AVPR1A: variants seen among roughly 807,000 people sequenced by gnomAD.
AVPR1A encodes the protein vasopressin V1a receptor.
AVPR1A carries 31 observed loss-of-function variants against 31.5 expected under a neutral mutation model. That is an observed-to-expected ratio of 0.99 (90% confidence interval 0.74 to 1.33). The LOEUF (loss-of-function observed/expected upper bound fraction) is 1.33. AVPR1A is among the 40% of genes most tolerant of loss of function. The probability of loss-of-function intolerance (pLI) is 0.00; values close to 1 mark genes in which losing one functional copy is unlikely to be tolerated. For missense variants in AVPR1A, 570 were observed against 575.2 expected (o/e 0.99, Z 0.09); for synonymous variants, 243 against 233.2 (o/e 1.04, Z -0.38).
rs1173894816 is a variant in AVPR1A, at chr12:63,150,278, A to T, written c.559T>A (p.Phe187Ile). The T allele has an allele frequency of 6.2e-7, 1 of 1,613,952 alleles. No homozygotes were observed. ...TTCACCTCGATCATGGAGAAGACGA[A>T]GTACTGCGGCGTGCTCAGCACGAAG... Reference protein sequence around the residue: ...LSFVLSTPQYFVFSMIEVNNV... With the variant: ...LSFVLSTPQYIVFSMIEVNNV... Residue 187 changes from phenylalanine (F) to isoleucine (I), a missense_variant, in exon 1 of 2, where the codon TTC (phenylalanine) becomes ATC (isoleucine). Coordinates refer to ENST00000299178, the MANE Select transcript of AVPR1A (RefSeq NM_000706.5). The surrounding 1 kb of genome is among the most constrained non-coding windows in gnomAD (Gnocchi z 4.9).
Position 63,142,789 on chromosome 12 carries a change from G to A in AVPR1A, c.*4570C>T, listed in dbSNP as rs1188666814. 1 of 151,978 alleles carries A rather than the reference G, an allele frequency of 6.6e-6. No homozygotes were observed. The highest frequency in any genetic ancestry group is 6.6e-5 in the Admixed American group (1 of 15,256). The allele number at this position is 151,978 out of a possible 1,614,324, so 9.4% of individuals were successfully genotyped here. A position where few individuals can be genotyped will look rare whatever the true frequency, so the allele number is the denominator to read the frequency against. The stretch of plus-strand genomic sequence containing the variant: ...AACTTATTTTTGTTTATAGAAACAA[G>A]ACAACACACAGTAAAATTGAGGAAA... On this transcript the variant is annotated 3_prime_UTR_variant, in exon 2 of 2. Coordinates refer to ENST00000299178, the MANE Select transcript of AVPR1A (RefSeq NM_000706.5).
chr12:63,150,717 G>A lies in AVPR1A; in HGVS notation c.120C>T (p.Gly40=), dbSNP rs1460730957. The change falls in exon 1 of 2, where the codon GGC becomes GGT. Residue 40 remains glycine (G), a synonymous_variant. Transcript: ENST00000299178. The surrounding 1 kb of genome is among the most constrained non-coding windows in gnomAD (Gnocchi z 4.9). ...REAEALGEGN[G]PPRDVRNEEL... ...CCTCGTTGCGCACGTCCCTCGGTGG[G>A]CCGTTGCCCTCCCCGAGGGCTTCGG... 1 of 1,604,414 alleles carries A rather than the reference G, an allele frequency of 6.2e-7. No individual in the cohort carries two copies. The highest frequency in any genetic ancestry group is 8.5e-7 in the Non-Finnish European group (1 of 1,179,790).
chr12:63,149,769 TTTTC>T (rs760536543), intron 1 of AVPR1A, 94 bp downstream of exon 1: 57,799 of 1,200,286 alleles, frequency 0.048, 419 homozygotes, highest in Middle Eastern at 0.074. Flanking sequence ...ATTCTCATTT[TTTTC>T]TCTCTCTCTC....
rs1397274229 is a variant in AVPR1A, at chr12:63,145,995, T to C, written c.*1364A>G. On this transcript the variant is annotated 3_prime_UTR_variant, in exon 2 of 2. Transcript: ENST00000299178. ...AGGATTTTATATCCCAGCCATGAAA[T>C]GAACCAATTCTAGTTAATGAAAAAT... The C allele has an allele frequency of 6.6e-6, 1 of 152,262 alleles. No individual in the cohort carries two copies. Among genetic ancestry groups the C allele is most frequent in the African/African-American group, 2.4e-5 (1 of 41,444 alleles). 9.4% of individuals were successfully genotyped at this position (152,262 alleles called of 1,614,324 possible).
rs1353679577 is a variant in AVPR1A at position 63,145,168 on chromosome 12, T to C, written c.*2191A>G. On this transcript the variant is annotated 3_prime_UTR_variant, in exon 2 of 2. Coordinates refer to ENST00000299178, the MANE Select transcript of AVPR1A (RefSeq NM_000706.5). ...TTTAGTTATGGCTTATATTGGACAG[T>C]ACCCTTTAAGAGACATATTTGTTAT... 3 of 293,748 alleles carry C rather than the reference T, an allele frequency of 1.0e-5. No individual in the cohort carries two copies. The highest frequency in any genetic ancestry group is 2.2e-5 in the African/African-American group (1 of 45,762). The allele number at this position is 293,748 out of a possible 1,614,324, so 18.2% of individuals were successfully genotyped here. A position where few individuals can be genotyped will look rare whatever the true frequency, so the allele number is the denominator to read the frequency against.
In AVPR1A at chr12:63,149,982, G is replaced by A; in HGVS notation, c.855C>T (p.Ala285=). The A allele has an allele frequency of 6.2e-7, 1 of 1,614,100 alleles. No individual in the cohort carries two copies. The highest frequency in any genetic ancestry group is 8.5e-7 in the Non-Finnish European group (1 of 1,180,038). ...CVSSVKSISR[A]KIRTVKMTFV... ...AAGTCATCTTCACCGTGCGGATCTTGGCCCGGGAAATGGACTTCACGCTGC... is the reference window on the plus strand; with the variant it reads ...AAGTCATCTTCACCGTGCGGATCTTAGCCCGGGAAATGGACTTCACGCTGC... Residue 285 remains alanine, a synonymous_variant, in exon 1 of 2, where the codon GCC becomes GCT. Transcript: ENST00000299178.
rs779030335 is a variant in AVPR1A, at chr12:63,150,704, C to G, written c.133G>C (p.Val45Leu). ...LGEGNGPPRD[V>L]RNEELAKLEI... The stretch of plus-strand genomic sequence containing the variant: ...AGTTTGGCCAGCTCCTCGTTGCGCA[C>G]GTCCCTCGGTGGGCCGTTGCCCTCC... The change falls in exon 1 of 2, where the codon GTG becomes CTG. Residue 45 changes from valine (V) to leucine (L), a missense_variant. Coordinates refer to ENST00000299178, the MANE Select transcript of AVPR1A (RefSeq NM_000706.5). The surrounding 1 kb of genome is among the most constrained non-coding windows in gnomAD (Gnocchi z 4.9). 1 of 1,606,440 alleles carries G rather than the reference C, an allele frequency of 6.2e-7. No homozygotes were observed. The highest frequency in any genetic ancestry group is 8.5e-7 in the Non-Finnish European group (1 of 1,179,848).
chr12:63,149,798 TCACACACACACACA>T, intron 1 of AVPR1A, 55 bp downstream of exon 1: 1 of 935,926 alleles, frequency 1.1e-6, no homozygotes. Flanking sequence ...TCTCTCTCTC[TCACACACACACACA>T]CACACACACA....
rs190314128 is a variant in AVPR1A at position 63,149,378 on chromosome 12, C to T, written c.970+489G>A. Among the ~76,000 whole-genome samples, 4 of 152,304 alleles carry T rather than the reference C, an allele frequency of 2.6e-5. No homozygotes were observed. The East Asian group carries it at 7.7e-4, about 29-fold the overall frequency. ...TCCTTGCCCCTGAGGCATTTCTACA[C>T]ATTTTTAAAATTAATTGTAATACTT... On this transcript the variant is annotated intron_variant, in intron 1 of 1. Transcript: ENST00000299178.
Position 63,150,037 on chromosome 12 carries a change from T to C in AVPR1A, c.800A>G (p.Gln267Arg), listed in dbSNP as rs956647874. 6.2e-7 allele frequency: 1 copy of C among 1,613,964 alleles called. No homozygotes were observed. Among genetic ancestry groups the C allele is most frequent in the Non-Finnish European group, 8.5e-7 (1 of 1,180,028 alleles). ...ACAGGGTGCGAGCAGGAACCCCTTT[T>C]GGAAGGCCACACCCGCTTGCTCTGC... ...KGAEQAGVAF[Q>R]KGFLLAPCVS... Residue 267 changes from glutamine to arginine, a missense_variant, in exon 1 of 2, where the codon CAA becomes CGA. Gln to Arg is a conservative substitution (Grantham distance 43, BLOSUM62 1). Coordinates refer to ENST00000299178, the MANE Select transcript of AVPR1A (RefSeq NM_000706.5). This position sits in a 1 kb window ranked among gnomAD's most constrained non-coding sequence, Gnocchi z 4.9.
In AVPR1A at chr12:63,143,685, G is replaced by C. The variant is rs372201548; in HGVS notation, c.*3674C>G. The C allele has an allele frequency of 2.0e-5, 3 of 152,160 alleles. No homozygotes were observed. The highest frequency in any genetic ancestry group is 3.9e-4 in the East Asian group (2 of 5,190). The allele number at this position is 152,160 out of a possible 1,614,324, so 9.4% of individuals were successfully genotyped here. On this transcript the variant is annotated 3_prime_UTR_variant, in exon 2 of 2. Coordinates refer to ENST00000299178, the MANE Select transcript of AVPR1A (RefSeq NM_000706.5). ...TGAGTAGTACCAAAAGGGCTGGATG[G>C]AGGGGGTGGGCAGGGATACAGTGGC...
chr12:63,146,793 C>G lies in AVPR1A; in HGVS notation c.*566G>C, dbSNP rs1373779924. ...GTGATTGATAGCTTCTAATAGAACT[C>G]TAAACTGGCCACAATGAGCAGGAGC... On this transcript the variant is annotated 3_prime_UTR_variant, in exon 2 of 2. Coordinates refer to ENST00000299178, the MANE Select transcript of AVPR1A (RefSeq NM_000706.5). 6.6e-6 allele frequency: 1 copy of G among 152,594 alleles called. No homozygotes were observed. The highest frequency in any genetic ancestry group is 2.4e-5 in the African/African-American group (1 of 41,444). The allele number at this position is 152,594 out of a possible 1,614,324, so 9.5% of individuals were successfully genotyped here. A position where few individuals can be genotyped will look rare whatever the true frequency, so the allele number is the denominator to read the frequency against.
intron 1 of AVPR1A, among the ~76,000 whole-genome samples, chr12:63,148,807 T>C (rs1467753767): frequency 2.0e-5 from 3 of 152,166 alleles, no homozygotes; most frequent in East Asian, 1.9e-4. Context: ...GCATATTACA[T>C]ACCTCCCCTA....
rs768185467 is a variant in AVPR1A at position 63,150,822 on chromosome 12, G to C, written c.15C>G (p.Ala5=). The C allele has an allele frequency of 8.8e-6, 14 of 1,588,152 alleles. No individual in the cohort carries two copies. The Admixed American group carries it at 2.2e-4, about 25-fold the overall frequency. MRLS[A]GPDAGPSGNS... ...TGCCCGAGGGCCCCGCGTCGGGACC[G>C]GCGGAGAGACGCATGCTGTCCATGC... The change falls in exon 1 of 2, where the codon GCC becomes GCG. Residue 5 remains alanine, a synonymous_variant. Transcript: ENST00000299178. This position sits in a 1 kb window ranked among gnomAD's most constrained non-coding sequence, Gnocchi z 4.9.
rs191519957 is a variant in AVPR1A, at chr12:63,148,649, G to T, written c.971-1004C>A. 1.3e-3 allele frequency among the ~76,000 whole-genome samples: 203 copies of T among 152,156 alleles called. 1 individual carries two copies. Among genetic ancestry groups the T allele is most frequent in the South Asian group, 9.3e-3 (45 of 4,820 alleles). ...CTTTATTTGATGGACAATATGAAGA[G>T]GCTTCTAAGATCAAGCAAGATAAGA... On this transcript the variant is annotated intron_variant, in intron 1 of 1. Transcript: ENST00000299178.
Position 63,149,815 on chromosome 12 carries a change from CA to C in AVPR1A, c.970+51del, listed in dbSNP as rs1251637164. ...TCTCTCTCTCACACACACACACACA[CA>C]CACACACACACTCCTATCCCTGCAC... On this transcript the variant is annotated intron_variant, in intron 1 of 1. Transcript: ENST00000299178. 8 of 1,579,328 alleles carry C rather than the reference CA, an allele frequency of 5.1e-6. No individual in the cohort carries two copies. In the East Asian group the frequency reaches 1.8e-4, roughly 35 times the overall value.
At position 63,150,813 on chromosome 12, in the gene AVPR1A, G is replaced by T. The variant is rs1312839078; in HGVS notation, c.24C>A (p.Asp8Glu). 1 of 1,590,506 alleles carries T rather than the reference G, an allele frequency of 6.3e-7. No homozygotes were observed. Among genetic ancestry groups the T allele is most frequent in the East Asian group, 2.2e-5 (1 of 44,672 alleles). MRLSAGP[D>E]AGPSGNSSPW... ...GGCTGGAGTTGCCCGAGGGCCCCGC[G>T]TCGGGACCGGCGGAGAGACGCATGC... The change falls in exon 1 of 2, where the codon GAC becomes GAA. Residue 8 changes from aspartate (D) to glutamate (E), a missense_variant. Physicochemically the swap from Asp to Glu is conservative, Grantham distance 45 (BLOSUM62 2). Transcript: ENST00000299178. The surrounding 1 kb of genome is among the most constrained non-coding windows in gnomAD (Gnocchi z 4.9).
Position 63,147,208 on chromosome 12 carries a change from T to C in AVPR1A, c.*151A>G, listed in dbSNP as rs996081710. 3 of 900,800 alleles carry C rather than the reference T, an allele frequency of 3.3e-6. No homozygotes were observed. The highest frequency in any genetic ancestry group is 4.9e-6 in the Non-Finnish European group (3 of 606,680). 55.8% of individuals were successfully genotyped at this position (900,800 alleles called of 1,614,324 possible). The stretch of plus-strand genomic sequence containing the variant: ...AATAATGTCTAGTTTTTGGTAGCAA[T>C]ATGAAAATGCAACTAGAAACACAGT... On this transcript the variant is annotated 3_prime_UTR_variant, in exon 2 of 2. Transcript: ENST00000299178.
At chr12:63,149,796 TCTCA>T (rs558676983) in intron 1 of AVPR1A, 67 bp downstream of exon 1, 16,261 of 1,092,606 alleles carry the variant, frequency 0.015, 228 homozygotes, top group African/African-American at 0.097. Flanking sequence ...TCTCTCTCTC[TCTCA>T]CACACACACA....
Sources: gnomAD v4.1 joint callset for allele counts (sites outside exome capture counted in the v4.1 genomes callset) on GRCh38, gnomAD v4.1.1 for gene constraint, Gnocchi (gnomAD v3.1) non-coding constraint, MANE v1.5 for transcripts, NCBI Gene and HGNC (gene_info 2026-07-23, HGNC 2026-07-21) for gene names.